CDK14: variants seen among roughly 807,000 people sequenced by gnomAD.
The protein encoded by CDK14 is cyclin-dependent kinase 14.
CDK14 carries 34 observed loss-of-function variants against 60.7 expected under a neutral mutation model. The observed-to-expected ratio is 0.56, with a 90% CI of 0.43 to 0.75. The LOEUF is 0.75. CDK14 is among the 30% of genes least tolerant of loss of function. The pLI is 0.00. For missense variants in CDK14, 482 were observed against 564.1 expected (o/e 0.85, Z 1.47); for synonymous variants, 197 against 203.7 (o/e 0.97, Z 0.28).
intron 2 of CDK14, among the ~76,000 whole-genome samples, chr7:90,680,472 A>G (rs905665130): frequency 2.0e-5 from 3 of 152,210 alleles, no homozygotes; most frequent in African/African-American, 7.2e-5. Context: ...TATAGCATGA[A>G]TAATAAATTT....
Position 90,627,218 on chromosome 7 carries a change from A to AT in CDK14, c.123+22981dup, listed in dbSNP as rs113422746. ...TAGTGGCTACTATTGGTCAGCACAG[A>AT]TTTTTTTTTTTTGACAGGGTCTCCT... On this transcript the variant is annotated intron_variant, in intron 2 of 14. Transcript: ENST00000380050. Among the ~76,000 whole-genome samples the AT allele has an allele frequency of 4.4e-3, 649 of 146,100 alleles. 8 individuals are homozygous for AT. The highest frequency in any genetic ancestry group is 0.014 in the African/African-American group (569 of 39,986).
chr7:91,080,214 A>G (rs779400487), intron 12 of CDK14, among the ~76,000 whole-genome samples: 1 of 151,562 alleles, frequency 6.6e-6, no homozygotes, highest in African/African-American at 2.4e-5. Flanking sequence ...AATTTTGTCT[A>G]CTTGGAATTT....
chr7:90,652,254 ATTAC>A (rs1800659895), intron 2 of CDK14, among the ~76,000 whole-genome samples: 1 of 152,210 alleles, frequency 6.6e-6, no homozygotes, highest in Non-Finnish European at 1.5e-5. Context: ...TATCTGCTGA[ATTAC>A]TTGAATTTTA....
At chr7:90,703,221 A>T (rs1258802859) in intron 2 of CDK14, among the ~76,000 whole-genome samples, 1 of 152,132 alleles carries the variant, frequency 6.6e-6, no homozygotes, top group Non-Finnish European at 1.5e-5. Flanking sequence ...CAAGGATTTT[A>T]TGTCTGCCAT....
chr7:90,759,231 C>T (rs1185996245), intron 4 of CDK14, among the ~76,000 whole-genome samples: 6 of 152,098 alleles, frequency 3.9e-5, no homozygotes, highest in African/African-American at 1.4e-4. Flanking sequence ...CTTCCCTCAT[C>T]ACTATGTGTC....
chr7:90,862,828 A>G (rs1791052127), intron 5 of CDK14, among the ~76,000 whole-genome samples: 1 of 152,200 alleles, frequency 6.6e-6, no homozygotes, highest in African/African-American at 2.4e-5. Context: ...AAACCTAACT[A>G]GAGATTAATA....
intron 14 of CDK14, among the ~76,000 whole-genome samples, chr7:91,161,521 A>C (rs964799659): frequency 6.6e-6 from 1 of 152,238 alleles, no homozygotes; most frequent in African/African-American, 2.4e-5. Flanking sequence ...GATTACAAAT[A>C]ACAGCACAAG....
At chr7:90,963,832 C>T (rs564417061) in intron 9 of CDK14, among the ~76,000 whole-genome samples, 10 of 151,132 alleles carry the variant, frequency 6.6e-5, no homozygotes, top group African/African-American at 2.4e-4. Flanking sequence ...TCTCCTGCCT[C>T]AGCCTCCTGA....
chr7:91,070,745 C>A (rs972629810), intron 11 of CDK14, among the ~76,000 whole-genome samples: 1 of 151,202 alleles, frequency 6.6e-6, no homozygotes. Flanking sequence ...GGTGACAGAG[C>A]AAGACCTTGT....
In CDK14 at chr7:90,761,840, G is replaced by A. The variant is rs570453280; in HGVS notation, c.464+14065G>A. 3.9e-5 allele frequency among the ~76,000 whole-genome samples: 6 copies of A among 152,296 alleles called. No homozygotes were observed. In the East Asian group the frequency reaches 1.2e-3, roughly 29 times the overall value. On this transcript the variant is annotated intron_variant, in intron 4 of 14. Coordinates refer to ENST00000380050, the MANE Select transcript of CDK14 (RefSeq NM_001287135.2). Reference sequence around the variant, plus strand: ...TTTAAGATAGTGCATTCCTTTTGAGGTTGTAGTAACTCTCTACTGTGTTCT... The same window carrying A: ...TTTAAGATAGTGCATTCCTTTTGAGATTGTAGTAACTCTCTACTGTGTTCT...
intron 2 of CDK14, 110 bp from the exon 3 acceptor site, chr7:90,726,457 G>T (rs1802636014): frequency 7.7e-7 from 1 of 1,298,882 alleles, no homozygotes; most frequent in Middle Eastern, 2.2e-4. Flanking sequence ...GGGCTTTTTG[G>T]GTATTTCCTG....
chr7:90,996,243 G>A (rs796347261), intron 10 of CDK14, among the ~76,000 whole-genome samples: 49 of 152,268 alleles, frequency 3.2e-4, no homozygotes, highest in African/African-American at 1.0e-3. Flanking sequence ...CCACTTGATT[G>A]ACACTCTGTT....
intron 9 of CDK14, among the ~76,000 whole-genome samples, chr7:90,982,231 A>T (rs1474598794): frequency 6.6e-6 from 1 of 152,194 alleles, no homozygotes; most frequent in Non-Finnish European, 1.5e-5. Flanking sequence ...CTGCTGAAAG[A>T]TCCATGAAAG....
At chr7:91,067,033 G>A (rs1032779241) in intron 11 of CDK14, among the ~76,000 whole-genome samples, 6 of 152,192 alleles carry the variant, frequency 3.9e-5, no homozygotes, top group African/African-American at 1.2e-4. Context: ...TGACATTAAA[G>A]TAATAAGTGA....
At chr7:90,940,099 G>A (rs1052583126) in intron 8 of CDK14, among the ~76,000 whole-genome samples, 3 of 151,946 alleles carry the variant, frequency 2.0e-5, no homozygotes, top group Non-Finnish European at 4.4e-5. Context: ...GGTAACATGT[G>A]CACCCTGTAA....
intron 8 of CDK14, among the ~76,000 whole-genome samples, chr7:90,929,822 G>A (rs1793533644): frequency 6.6e-6 from 1 of 152,182 alleles, no homozygotes; most frequent in African/African-American, 2.4e-5. Context: ...ATTTAGTCCT[G>A]AAGAAATGCA....
intron 11 of CDK14, among the ~76,000 whole-genome samples, chr7:91,048,763 G>A (rs572875080): frequency 2.8e-4 from 43 of 152,224 alleles, no homozygotes; most frequent in African/African-American, 1.0e-3. Flanking sequence ...ATGAGGTTGA[G>A]CATCTTTTGA....
chr7:90,893,593 A>G (rs1209521088), intron 6 of CDK14, among the ~76,000 whole-genome samples: 6 of 152,254 alleles, frequency 3.9e-5, no homozygotes, highest in African/African-American at 1.4e-4. Context: ...CATAAGGGTC[A>G]CATAATCCAA....
At chr7:90,809,889 G>C (rs181630756) in intron 5 of CDK14, among the ~76,000 whole-genome samples, 20,900 of 152,096 alleles carry the variant, frequency 0.14, 1,692 homozygotes, top group Middle Eastern at 0.24. Context: ...ATAAATTCCT[G>C]GACACATACA....
Sources: allele counts gnomAD v4.1 joint callset (sites outside exome capture counted in the v4.1 genomes callset), GRCh38; gene constraint gnomAD v4.1.1; transcripts MANE v1.5; gene names NCBI Gene and HGNC (gene_info 2026-07-23, HGNC 2026-07-21).